Variants in RFC4 observed in about 807,000 individuals in gnomAD.
RFC4 encodes the protein A1 37 kDa subunit.
Under a neutral mutation model 47.6 loss-of-function variants are expected in RFC4, and 38 were observed. The ratio of observed to expected loss-of-function variants is 0.80; its 90% CI spans 0.62 to 1.05. The LOEUF (loss-of-function observed/expected upper bound fraction) is 1.05, where lower values mean the gene tolerates loss of function less well. Ranked by LOEUF, RFC4 falls within the 50% of genes least tolerant of loss-of-function variation. The pLI is 0.00. For synonymous variants in RFC4, 164 were observed against 150.0 expected (o/e 1.09, Z -0.68); for missense variants, 489 against 434.0 (o/e 1.13, Z -1.13).
Position 186,792,939 on chromosome 3 carries a change from G to A in RFC4, c.419C>T (p.Pro140Leu), listed in dbSNP as rs560784172. Reference sequence around the variant, plus strand: ...AATCACAATCTTAAAAGGCGGACACGGCTTCCCACTGATTCAGAGAAACAC... The same window carrying A: ...AATCACAATCTTAAAAGGCGGACACAGCTTCCCACTGATTCAGAGAAACAC... ...TVSGSRSDGK[P>L]CPPFKIVILD... Residue 140 changes from proline (P) to leucine (L), a missense_variant, in exon 6 of 11, where the codon CCG (proline) becomes CTG (leucine). Pro to Leu is a moderately conservative substitution (Grantham distance 98). Transcript: ENST00000296273. 8 of 1,612,034 alleles carry A rather than the reference G, an allele frequency of 5.0e-6. No individual in the cohort carries two copies. In the African/African-American group the frequency reaches 5.3e-5, roughly 11 times the overall value.
At chr3:186,794,332 G>C (rs767805104) in intron 5 of RFC4, among the ~76,000 whole-genome samples, 1 of 152,198 alleles carries the variant, frequency 6.6e-6, no homozygotes, top group Non-Finnish European at 1.5e-5. Context: ...TACATTAGGT[G>C]CTATAGCGGT....
rs760676968 is a variant in RFC4, at chr3:186,790,123, G to C, written c.996+19C>G. ...AGGTAGTTAAATGTTCCATTGACAT[G>C]TGCAAAGTACCTACTTACGGCAAGT... is the stretch of plus-strand genomic sequence containing the variant. On this transcript the variant is annotated intron_variant, in intron 10 of 10. Coordinates refer to ENST00000296273, the MANE Select transcript of RFC4 (RefSeq NM_002916.5). 4 of 1,603,150 alleles carry C rather than the reference G, an allele frequency of 2.5e-6. No individual in the cohort carries two copies. The highest frequency in any genetic ancestry group is 2.6e-6 in the Non-Finnish European group (3 of 1,170,304).
At chr3:186,798,385 TC>T (rs1033356241) in intron 3 of RFC4, among the ~76,000 whole-genome samples, 6 of 152,176 alleles carry the variant, frequency 3.9e-5, no homozygotes, top group African/African-American at 1.4e-4. Flanking sequence ...CTTCAGTATG[TC>T]CTGTCACATA....
chr3:186,795,657 G>A (rs988350360), intron 4 of RFC4, among the ~76,000 whole-genome samples: 1 of 152,152 alleles, frequency 6.6e-6, no homozygotes, highest in Admixed American at 6.5e-5. Flanking sequence ...GCTGGGCGTG[G>A]TTACAGGCAC....
Position 186,793,054 on chromosome 3 carries a change from A to G in RFC4, c.411-107T>C. The G allele has an allele frequency of 1.1e-6, 1 of 936,676 alleles. No homozygotes were observed. Among genetic ancestry groups the G allele is most frequent in the Non-Finnish European group, 1.6e-6 (1 of 643,930 alleles). 58.0% of individuals were successfully genotyped at this position (936,676 alleles called of 1,614,324 possible). A position where few individuals can be genotyped will look rare whatever the true frequency, so the allele number is the denominator to read the frequency against. ...ACAATTCACCCATTTAAAATGTACA[A>G]TTCAGTGTTTTTCTGTATGTTCACA... is the stretch of plus-strand genomic sequence containing the variant. On this transcript the variant is annotated intron_variant, in intron 5 of 10. Coordinates refer to ENST00000296273, the MANE Select transcript of RFC4 (RefSeq NM_002916.5). The surrounding 1 kb of genome is among the most constrained non-coding windows in gnomAD (Gnocchi z 4.2).
At chr3:186,790,477 C>A in intron 8 of RFC4, 71 bp from the exon 9 acceptor site, 1 of 1,058,808 alleles carries the variant, frequency 9.4e-7, no homozygotes. Context: ...CCAACTGGCC[C>A]CCGTGCCCCC....
chr3:186,797,507 A>G (rs1722266694), intron 4 of RFC4, 28 bp downstream of exon 4: 3 of 1,503,778 alleles, frequency 2.0e-6, no homozygotes, highest in East Asian at 2.3e-5. Context: ...ATCTTTAAAA[A>G]AAGAAAAACA....
chr3:186,797,128 T>C (rs1722257710), intron 4 of RFC4, among the ~76,000 whole-genome samples: 1 of 152,220 alleles, frequency 6.6e-6, no homozygotes. Flanking sequence ...GACTCAAGAA[T>C]GGATGGTGCA....
At chr3:186,794,139 T>A (rs1722197157) in intron 5 of RFC4, among the ~76,000 whole-genome samples, 1 of 152,208 alleles carries the variant, frequency 6.6e-6, no homozygotes, top group Non-Finnish European at 1.5e-5. Context: ...TCTCCCACGT[T>A]GCGGGTTATT....
chr3:186,791,799 T>C lies in RFC4; in HGVS notation c.727A>G (p.Thr243Ala). 1.2e-6 allele frequency: 2 copies of C among 1,609,164 alleles called. No homozygotes were observed. Among genetic ancestry groups the C allele is most frequent in the Non-Finnish European group, 1.7e-6 (2 of 1,175,506 alleles). The change falls in exon 8 of 11, where the codon ACA becomes GCA. Residue 243 changes from threonine (T) to alanine (A), a missense_variant. Thr to Ala is a moderately conservative substitution (Grantham distance 58). Around this residue, in one of 2 missense-constraint regions of RFC4, gnomAD observed 283 missense variants for 176.2 expected, o/e 1.61. Transcript: ENST00000296273. ...AATCGAGTAGCGCTTTGAAGAAATG[T>C]AATGGCTTTTCTTAAGTCTCCTTCT... ...VSEGDLRKAI[T>A]FLQSATRLTG... is the part of the protein sequence containing the mutation.
At chr3:186,794,967 TA>T in intron 4 of RFC4, 190 bp from the exon 5 acceptor site, 2 of 581,230 alleles carry the variant, frequency 3.4e-6, no homozygotes, top group Non-Finnish European at 5.9e-6. Context: ...TCCATGCATT[TA>T]AAAAAATGTA....
At chr3:186,799,827 A>G (rs3917113) in intron 3 of RFC4, among the ~76,000 whole-genome samples, 23,642 of 152,230 alleles carry the variant, frequency 0.16, 2,480 homozygotes, top group Non-Finnish European at 0.23. Context: ...TTACTATGCA[A>G]CTGCAATTAA....
Position 186,790,067 on chromosome 3 carries a change from ACG to A in RFC4, c.997-5_997-4del. The A allele has an allele frequency of 6.2e-7, 1 of 1,612,974 alleles. No individual in the cohort carries two copies. Among genetic ancestry groups the A allele is most frequent in the South Asian group, 1.1e-5 (1 of 90,986 alleles). The stretch of plus-strand genomic sequence containing the variant: ...TCTGCTAGGCATTTGTCAACTTCCT[ACG>A]AGAAAAATTTAAGAAATTAGCATCC... On this transcript the variant is annotated splice_polypyrimidine_tract_variant and splice_region_variant and intron_variant, in intron 10 of 10. Coordinates refer to ENST00000296273, the MANE Select transcript of RFC4 (RefSeq NM_002916.5).
In RFC4 at chr3:186,804,655, C is replaced by G; in HGVS notation, c.59G>C (p.Arg20Pro). Residue 20 changes from arginine (R) to proline (P), a missense_variant, in exon 2 of 11, where the codon CGA (arginine) becomes CCA (proline). Coordinates refer to ENST00000296273, the MANE Select transcript of RFC4 (RefSeq NM_002916.5). ...ACTTCCCGCACTGGCAGCTACTCCT[C>G]GATCCTTGGTCAGCGGGGGTTTAGT... ...ISTKPPLTKD[R>P]GVAASAGSSG... is the part of the protein sequence containing the mutation. The G allele has an allele frequency of 6.2e-7, 1 of 1,614,076 alleles. No individual in the cohort carries two copies. The highest frequency in any genetic ancestry group is 1.1e-5 in the South Asian group (1 of 91,074).
chr3:186,791,444 T>TG, intron 8 of RFC4: 1 of 369,532 alleles, frequency 2.7e-6, no homozygotes, highest in South Asian at 2.3e-5. Flanking sequence ...CACTCCAGCC[T>TG]GGGCGACACA....
At chr3:186,790,667 C>T (rs1056287982) in intron 8 of RFC4, among the ~76,000 whole-genome samples, 3 of 152,184 alleles carry the variant, frequency 2.0e-5, no homozygotes, top group African/African-American at 7.2e-5. Context: ...ATAGCTTGTT[C>T]TGGTCAGTGG....
chr3:186,790,110 G>A (rs1421451180), intron 10 of RFC4, 32 bp downstream of exon 10: 5 of 1,602,306 alleles, frequency 3.1e-6, no homozygotes, highest in Non-Finnish European at 4.3e-6. Context: ...GTAGTTAAAT[G>A]TTCCATTGAC....
chr3:186,792,675 T>G, intron 6 of RFC4, 65 bp from the exon 7 acceptor site: 3 of 1,576,284 alleles, frequency 1.9e-6, no homozygotes, highest in Non-Finnish European at 2.6e-6. Flanking sequence ...GAACTCATTT[T>G]TATCAAGAAC....
chr3:186,792,971 G>T, intron 5 of RFC4, 24 bp from the exon 6 acceptor site: 1 of 1,601,006 alleles, frequency 6.2e-7, no homozygotes, highest in Middle Eastern at 1.7e-4. Context: ...ACACATAAGA[G>T]TTGAACATTA....
Sources: allele counts gnomAD v4.1 joint callset (sites outside exome capture counted in the v4.1 genomes callset), GRCh38; gene constraint gnomAD v4.1.1; regional missense constraint gnomAD v4.1.1; non-coding constraint Gnocchi (gnomAD v3.1); transcripts MANE v1.5; gene names NCBI Gene and HGNC (gene_info 2026-07-23, HGNC 2026-07-21).